PTPRG: variants seen among roughly 807,000 people sequenced by gnomAD.
The protein encoded by PTPRG is receptor-type tyrosine-protein phosphatase gamma.
PTPRG carries 102 observed loss-of-function variants against 165.3 expected under a neutral mutation model. The ratio of observed to expected loss-of-function variants is 0.62; its 90% CI spans 0.53 to 0.73. The LOEUF (loss-of-function observed/expected upper bound fraction) is 0.73, where lower values mean the gene tolerates loss of function less well. Among genes scored for constraint, PTPRG ranks in the 30% least tolerant of loss-of-function variants. PTPRG has a pLI of 0.00. For synonymous variants in PTPRG, 675 were observed against 669.5 expected (o/e 1.01, Z -0.13); for missense variants, 1,866 against 1,861.4 (o/e 1.00, Z -0.05).
chr3:62,284,838 T>G (rs1702579858), intron 28 of PTPRG, among the ~76,000 whole-genome samples: 1 of 152,164 alleles, frequency 6.6e-6, no homozygotes, highest in South Asian at 2.1e-4. Context: ...AGTAGACTTT[T>G]GAAAATCTTT....
At chr3:61,884,645 G>C (rs532155465) in intron 2 of PTPRG, among the ~76,000 whole-genome samples, 1 of 152,296 alleles carries the variant, frequency 6.6e-6, no homozygotes, top group African/African-American at 2.4e-5. Flanking sequence ...GCAATGGTTT[G>C]ATGTGTTCAG....
chr3:62,064,508 G>C (rs929337197), intron 4 of PTPRG, among the ~76,000 whole-genome samples: 1 of 151,598 alleles, frequency 6.6e-6, no homozygotes, highest in Non-Finnish European at 1.5e-5. Flanking sequence ...CTTCCCCTCC[G>C]TAGGTTCTAC....
At chr3:62,208,959 G>A (rs1700293178) in intron 12 of PTPRG, among the ~76,000 whole-genome samples, 1 of 152,166 alleles carries the variant, frequency 6.6e-6, no homozygotes, top group African/African-American at 2.4e-5. Context: ...GAGCCACACG[G>A]CCCATGGCAA....
chr3:61,630,761 A>T (rs567502144), intron 1 of PTPRG, among the ~76,000 whole-genome samples: 21 of 152,304 alleles, frequency 1.4e-4, no homozygotes, highest in African/African-American at 4.8e-4. Flanking sequence ...TCAACTACTT[A>T]AAAAATGTAT....
At chr3:62,012,378 G>T (rs917457318) in intron 4 of PTPRG, among the ~76,000 whole-genome samples, 1 of 152,184 alleles carries the variant, frequency 6.6e-6, no homozygotes, top group Non-Finnish European at 1.5e-5. Flanking sequence ...GCAGTAGGTA[G>T]AAGTCATTTT....
intron 2 of PTPRG, among the ~76,000 whole-genome samples, chr3:61,985,378 C>G (rs538864715): frequency 1.3e-5 from 2 of 152,326 alleles, no homozygotes; most frequent in African/African-American, 4.8e-5. Flanking sequence ...TCTGTTTCAT[C>G]CATTGCCTAG....
At chr3:61,567,188 G>A (rs991112894) in intron 1 of PTPRG, among the ~76,000 whole-genome samples, 10 of 152,146 alleles carry the variant, frequency 6.6e-5, no homozygotes, top group Non-Finnish European at 1.5e-4. Context: ...TATTATAGAA[G>A]CCAAGGAGTA....
intron 1 of PTPRG, among the ~76,000 whole-genome samples, chr3:61,641,281 T>C (rs1459305091): frequency 6.6e-6 from 1 of 152,158 alleles, no homozygotes. Flanking sequence ...TTCTTGGCTC[T>C]GGGGATGCAG....
chr3:61,812,007 AG>A (rs1010523155), intron 2 of PTPRG, among the ~76,000 whole-genome samples: 2 of 152,232 alleles, frequency 1.3e-5, no homozygotes, highest in African/African-American at 4.8e-5. Flanking sequence ...CTTCAAAAAA[AG>A]GCTTTTATTT....
At chr3:62,292,238 A>C (rs1702923461) in intron 28 of PTPRG, among the ~76,000 whole-genome samples, 183 bp from the exon 29 acceptor site, 1 of 152,152 alleles carries the variant, frequency 6.6e-6, no homozygotes, top group African/African-American at 2.4e-5. Context: ...TTTCATAAAC[A>C]AATCTCACCT....
intron 3 of PTPRG, among the ~76,000 whole-genome samples, chr3:61,994,366 A>G (rs1371357665): frequency 1.4e-4 from 21 of 152,184 alleles, no homozygotes; most frequent in Non-Finnish European, 4.4e-5. Flanking sequence ...ACTGAGGACA[A>G]ATAGTAAATG....
intron 4 of PTPRG, among the ~76,000 whole-genome samples, chr3:62,019,280 G>C (rs113440077): frequency 0.021 from 3,196 of 152,238 alleles, 69 homozygotes; most frequent in East Asian, 0.09. Context: ...CCAGCACTTT[G>C]AGAGGCCAAG....
chr3:62,182,927 T>C (rs986765458), intron 8 of PTPRG, among the ~76,000 whole-genome samples: 2 of 152,214 alleles, frequency 1.3e-5, no homozygotes, highest in Non-Finnish European at 1.5e-5. Flanking sequence ...AGTGCTGGGA[T>C]TACAGGCATG....
intron 4 of PTPRG, among the ~76,000 whole-genome samples, chr3:62,057,430 C>G (rs972480682): frequency 6.6e-6 from 1 of 152,194 alleles, no homozygotes; most frequent in East Asian, 1.9e-4. Context: ...GTGGGACTCC[C>G]AAAGGATGCC....
intron 3 of PTPRG, among the ~76,000 whole-genome samples, chr3:62,000,991 C>T (rs1311840404): frequency 1.3e-5 from 2 of 149,692 alleles, no homozygotes; most frequent in South Asian, 4.3e-4. Context: ...GTTGGGTAAC[C>T]TTCCTGAGGT....
rs1559643862 is a variant in PTPRG at position 62,203,330 on chromosome 3, CCAG to C, written c.1538_1540del (p.Ser513del). The stretch of plus-strand genomic sequence containing the variant: ...CAGGCCACAGTGGCCTCGGTGGTCA[CCAG>C]CACGCTGCTCGCCGGCCTGGGGTTC... On this transcript the variant is annotated inframe_deletion, in exon 12 of 30. Coordinates refer to ENST00000474889, the MANE Select transcript of PTPRG (RefSeq NM_002841.4). The surrounding 1 kb of genome is among the most constrained non-coding windows in gnomAD (Gnocchi z 6.4). 1 of 1,613,864 alleles carries C rather than the reference CCAG, an allele frequency of 6.2e-7. No homozygotes were observed. Among genetic ancestry groups the C allele is most frequent in the South Asian group, 1.1e-5 (1 of 91,066 alleles).
chr3:61,634,178 T>G (rs1389928042), intron 1 of PTPRG, among the ~76,000 whole-genome samples: 6 of 152,012 alleles, frequency 3.9e-5, no homozygotes, highest in Admixed American at 2.6e-4. Context: ...ATGATCTATA[T>G]ACATTAATTT....
intron 1 of PTPRG, among the ~76,000 whole-genome samples, chr3:61,643,600 G>GA (rs1279155389): frequency 1.3e-5 from 2 of 152,118 alleles, no homozygotes; most frequent in Non-Finnish European, 2.9e-5. Context: ...CCAACATGAT[G>GA]AAACCCCCAT....
rs529720015 is a variant in PTPRG at position 61,885,317 on chromosome 3, T to C, written c.191-104308T>C. The stretch of plus-strand genomic sequence containing the variant: ...CCTGTGTGGATTTCTTTTTTACTAC[T>C]GTAGAATATTTGGAAAATATGCTGA... On this transcript the variant is annotated intron_variant, in intron 2 of 29. Transcript: ENST00000474889. Among the ~76,000 whole-genome samples, 59 of 152,294 alleles carry C rather than the reference T, an allele frequency of 3.9e-4. 1 individual carries two copies. Among genetic ancestry groups the C allele is most frequent in the Admixed American group, 6.5e-4 (10 of 15,304 alleles).
Sources: allele counts gnomAD v4.1 joint callset (sites outside exome capture counted in the v4.1 genomes callset), GRCh38; gene constraint gnomAD v4.1.1; non-coding constraint Gnocchi (gnomAD v3.1); transcripts MANE v1.5; gene names NCBI Gene and HGNC (gene_info 2026-07-23, HGNC 2026-07-21).